Variants in TMEM131 observed in about 807,000 individuals in gnomAD.
TMEM131 encodes 2610524E03Rik.
Under a neutral mutation model 211.6 loss-of-function variants are expected in TMEM131, and 66 were observed. The ratio of observed to expected loss-of-function variants is 0.31; its 90% CI spans 0.26 to 0.38. The LOEUF is 0.38. Among genes scored for constraint, TMEM131 ranks in the 10% least tolerant of loss-of-function variants. TMEM131 has a pLI of 1.00. For synonymous variants in TMEM131, 844 were observed against 841.3 expected, an observed-to-expected ratio of 1.00 and a Z score of -0.06; for missense variants, 2,036 against 2,299.3, an observed-to-expected ratio of 0.89 and a Z score of 2.34.
At chr2:97,862,865 T>G (rs1674124605) in intron 4 of TMEM131, among the ~76,000 whole-genome samples, 2 of 152,110 alleles carry the variant, frequency 1.3e-5, no homozygotes, top group African/African-American at 4.8e-5. Flanking sequence ...AGAAAGATAT[T>G]AATATTGAAC....
At chr2:97,899,651 C>T (rs1004675863) in intron 3 of TMEM131, among the ~76,000 whole-genome samples, 2 of 152,084 alleles carry the variant, frequency 1.3e-5, no homozygotes, top group African/African-American at 4.8e-5. Flanking sequence ...TGGCACAGAC[C>T]TTGAAGGAGA....
At chr2:97,903,598 A>G (rs1675947235) in intron 3 of TMEM131, among the ~76,000 whole-genome samples, 1 of 152,204 alleles carries the variant, frequency 6.6e-6, no homozygotes, top group Non-Finnish European at 1.5e-5. Flanking sequence ...ATTGGGAGAG[A>G]CACAAACTTC....
chr2:97,863,654 A>G (rs539367625), intron 4 of TMEM131, among the ~76,000 whole-genome samples: 29 of 152,338 alleles, frequency 1.9e-4, no homozygotes, highest in African/African-American at 7.0e-4. Context: ...AAAAATGCTC[A>G]ATATGACTAT....
At chr2:97,987,544 T>C (rs1029046112) in intron 1 of TMEM131, among the ~76,000 whole-genome samples, 1 of 152,086 alleles carries the variant, frequency 6.6e-6, no homozygotes, top group Non-Finnish European at 1.5e-5. Context: ...CACAAACTGT[T>C]AGAACTAACG....
intron 3 of TMEM131, among the ~76,000 whole-genome samples, chr2:97,902,008 C>T (rs61043662): frequency 0.01 from 1,596 of 152,222 alleles, 34 homozygotes; most frequent in African/African-American, 0.036. Context: ...ATCCTAAACA[C>T]CCTGATTTGA....
intron 1 of TMEM131, among the ~76,000 whole-genome samples, chr2:97,953,695 AC>A (rs1303583371): frequency 6.6e-6 from 1 of 152,314 alleles, no homozygotes; most frequent in Admixed American, 6.5e-5. Context: ...CCACCCTACA[AC>A]AGAATATTCA....
intron 2 of TMEM131, among the ~76,000 whole-genome samples, chr2:97,923,500 T>C (rs947808391): frequency 6.6e-6 from 1 of 151,610 alleles, no homozygotes. Context: ...CATGTGCCTG[T>C]AGTCCCCGCT....
In TMEM131 at chr2:97,832,876, G is replaced by A. The variant is rs577470335; in HGVS notation, c.1074+489C>T. Among the ~76,000 whole-genome samples the A allele has an allele frequency of 3.9e-5, 6 of 152,252 alleles. No individual in the cohort carries two copies. The South Asian group carries it at 1.0e-3, about 26-fold the overall frequency. ...AGAGGGCCTTAGTTTATAATGTGCT[G>A]CCTACGGTAACTCAATAACTGCTAG... On this transcript the variant is annotated intron_variant, in intron 11 of 40. Coordinates refer to ENST00000186436, the MANE Select transcript of TMEM131 (RefSeq NM_015348.2).
intron 4 of TMEM131, among the ~76,000 whole-genome samples, chr2:97,870,694 T>C (rs569544883): frequency 6.6e-6 from 1 of 152,280 alleles, no homozygotes; most frequent in African/African-American, 2.4e-5. Flanking sequence ...GCTGAAGAAA[T>C]GGCTTAGCAA....
chr2:97,917,239 T>C (rs553363122), intron 2 of TMEM131, among the ~76,000 whole-genome samples: 114 of 152,332 alleles, frequency 7.5e-4, no homozygotes, highest in African/African-American at 2.4e-3. Context: ...AGTTGAATAG[T>C]TGTGATAGAG....
intron 1 of TMEM131, among the ~76,000 whole-genome samples, chr2:97,984,471 G>A (rs1018399344): frequency 6.6e-6 from 1 of 151,992 alleles, no homozygotes. Flanking sequence ...TCATGGTTCT[G>A]CAGGCTGTAC....
chr2:97,777,740 T>C (rs1213243747), intron 31 of TMEM131, among the ~76,000 whole-genome samples: 4 of 152,220 alleles, frequency 2.6e-5, no homozygotes, highest in African/African-American at 4.8e-5. Context: ...GTTTCAAGCA[T>C]AGGACTGACT....
At chr2:97,963,753 G>A (rs538355700) in intron 1 of TMEM131, among the ~76,000 whole-genome samples, 1 of 152,184 alleles carries the variant, frequency 6.6e-6, no homozygotes, top group East Asian at 1.9e-4. Flanking sequence ...TTTTGAGATT[G>A]CTAGAATAAT....
rs551086363 is a variant in TMEM131, at chr2:97,772,111, G to A, written c.4448+186C>T. ...GACTTGAGAAGCATATGGCTATTCC[G>A]AGTCAACAACAGTACATATCAGGTG... On this transcript the variant is annotated intron_variant, in intron 33 of 40. Transcript: ENST00000186436. 6.3e-4 allele frequency among the ~76,000 whole-genome samples: 96 copies of A among 152,242 alleles called. 1 individual carries two copies. Among genetic ancestry groups the A allele is most frequent in the African/African-American group, 2.2e-3 (93 of 41,536 alleles).
chr2:97,936,049 T>C (rs1225613424), intron 1 of TMEM131, among the ~76,000 whole-genome samples: 1 of 152,166 alleles, frequency 6.6e-6, no homozygotes, highest in Non-Finnish European at 1.5e-5. Flanking sequence ...ATCTGATCTG[T>C]GTGGTGAGTC....
intron 26 of TMEM131, 100 bp from the exon 27 acceptor site, chr2:97,797,086 T>G (rs1680803121): frequency 8.0e-7 from 1 of 1,246,518 alleles, no homozygotes; most frequent in Non-Finnish European, 1.1e-6. Context: ...CACATAGAAA[T>G]TAAATTTAAT....
At chr2:97,762,230 G>C in intron 35 of TMEM131, 30 bp from the exon 36 acceptor site, 1 of 1,611,406 alleles carries the variant, frequency 6.2e-7, no homozygotes, top group East Asian at 2.2e-5. Context: ...GGGCTCGTTA[G>C]TGTGGTGTTT....
At chr2:97,759,105 C>T in intron 39 of TMEM131, 52 bp from the exon 40 acceptor site, 1 of 1,608,748 alleles carries the variant, frequency 6.2e-7, no homozygotes, top group South Asian at 1.1e-5. Flanking sequence ...GCCATGATCA[C>T]TATAGCATAT....
chr2:97,826,346 A>C (rs183250706), intron 11 of TMEM131, among the ~76,000 whole-genome samples: 15 of 152,330 alleles, frequency 9.8e-5, no homozygotes, highest in Admixed American at 9.2e-4. Flanking sequence ...CTACATGCCC[A>C]TGCTGCAATA....
Sources: allele counts gnomAD v4.1 joint callset (sites outside exome capture counted in the v4.1 genomes callset), GRCh38; gene constraint gnomAD v4.1.1; transcripts MANE v1.5; gene names NCBI Gene and HGNC (gene_info 2026-07-23, HGNC 2026-07-21).